Variants in PRKAG2 observed in about 807,000 individuals in gnomAD.
PRKAG2 encodes the protein protein kinase AMP-activated non-catalytic subunit gamma 2.
PRKAG2 carries 26 observed loss-of-function variants against 69.6 expected under a neutral mutation model. The ratio of observed to expected loss-of-function variants is 0.37; its 90% CI spans 0.27 to 0.52. The LOEUF is 0.52. Ranked by LOEUF, PRKAG2 falls within the 20% of genes least tolerant of loss-of-function variation. The pLI, the probability that PRKAG2 is intolerant of heterozygous loss-of-function variation, is 0.90. For synonymous variants in PRKAG2, 293 were observed against 285.0 expected (o/e 1.03, Z -0.28); for missense variants, 557 against 740.0 (o/e 0.75, Z 2.87).
intron 3 of PRKAG2, among the ~76,000 whole-genome samples, chr7:151,677,505 A>T (rs1833130403): frequency 6.6e-6 from 1 of 152,224 alleles, no homozygotes; most frequent in Non-Finnish European, 1.5e-5. Flanking sequence ...GATATCTTAC[A>T]TCTTACAGGT....
At chr7:151,562,917 T>A (rs908370051) in intron 14 of PRKAG2, among the ~76,000 whole-genome samples, 22 of 146,732 alleles carry the variant, frequency 1.5e-4, no homozygotes, top group Non-Finnish European at 2.5e-4. Context: ...ATCACGCCAC[T>A]GCACTCCAGC....
chr7:151,613,871 C>T (rs1164538251), intron 5 of PRKAG2, among the ~76,000 whole-genome samples: 1 of 137,372 alleles, frequency 7.3e-6, no homozygotes, highest in Non-Finnish European at 1.6e-5. Context: ...TGGACGATCT[C>T]GGCTCACTGC....
intron 3 of PRKAG2, among the ~76,000 whole-genome samples, chr7:151,768,966 C>G (rs2075883843): frequency 6.6e-6 from 1 of 152,234 alleles, no homozygotes; most frequent in African/African-American, 2.4e-5. Context: ...ACTTGGAGTT[C>G]TAATGCACTG....
At chr7:151,821,879 T>G in intron 1 of PRKAG2, among the ~76,000 whole-genome samples, 1 of 152,154 alleles carries the variant, frequency 6.6e-6, no homozygotes, top group South Asian at 2.1e-4. Context: ...AGGGTTACTG[T>G]GAGGATTAAA....
chr7:151,584,646 G>A (rs1001772761), intron 6 of PRKAG2, among the ~76,000 whole-genome samples: 1 of 152,224 alleles, frequency 6.6e-6, no homozygotes, highest in Non-Finnish European at 1.5e-5. Context: ...GCTAGGCACA[G>A]TGGCTTCGGG....
At chr7:151,862,914 T>C (rs753703693) in intron 1 of PRKAG2, among the ~76,000 whole-genome samples, 1 of 150,998 alleles carries the variant, frequency 6.6e-6, no homozygotes, top group Non-Finnish European at 1.5e-5. Flanking sequence ...GATCCCTGGG[T>C]TCAGAGGGCA....
At chr7:151,706,409 G>T (rs1023458785) in intron 3 of PRKAG2, among the ~76,000 whole-genome samples, 2 of 152,200 alleles carry the variant, frequency 1.3e-5, no homozygotes, top group Non-Finnish European at 2.9e-5. Flanking sequence ...AATTCTCCAA[G>T]ACATCCAACT....
chr7:151,592,319 C>A (rs1283839059), intron 6 of PRKAG2, among the ~76,000 whole-genome samples: 1 of 152,240 alleles, frequency 6.6e-6, no homozygotes, highest in Admixed American at 6.5e-5. Flanking sequence ...TTGATTTCCA[C>A]TTTATCAGGA....
At chr7:151,801,009 A>G (rs1471620450) in intron 1 of PRKAG2, among the ~76,000 whole-genome samples, 2 of 152,208 alleles carry the variant, frequency 1.3e-5, no homozygotes, top group South Asian at 2.1e-4. Flanking sequence ...ACTGCTCACA[A>G]GTAAAATCCA....
At chr7:151,669,187 G>A (rs1831459742) in intron 4 of PRKAG2, among the ~76,000 whole-genome samples, 1 of 152,102 alleles carries the variant, frequency 6.6e-6, no homozygotes, top group Admixed American at 6.5e-5. Flanking sequence ...CTCTTTGTAG[G>A]AAGATGCCAT....
chr7:151,600,039 G>A (rs528979053), intron 5 of PRKAG2, among the ~76,000 whole-genome samples: 1 of 152,208 alleles, frequency 6.6e-6, no homozygotes, highest in East Asian at 1.9e-4. Context: ...TCCTTCATTA[G>A]ACCTTGGCTC....
At position 151,788,599 on chromosome 7, in the gene PRKAG2, C is replaced by T. The variant is rs956769409; in HGVS notation, c.115-2058G>A. Among the ~76,000 whole-genome samples the T allele has an allele frequency of 1.3e-5, 2 of 152,152 alleles. No homozygotes were observed. The highest frequency in any genetic ancestry group is 6.5e-5 in the Admixed American group (1 of 15,276). On this transcript the variant is annotated intron_variant, in intron 1 of 15. Transcript: ENST00000287878. The surrounding 1 kb of genome is among the most constrained non-coding windows in gnomAD (Gnocchi z 4.6). ...AGATACATGACTTGCAAATATTTTC[C>T]TCCATTCTGTGGGTTGCCTTTTTAC...
intron 1 of PRKAG2, among the ~76,000 whole-genome samples, chr7:151,789,028 A>G (rs1304666142): frequency 6.6e-6 from 1 of 152,054 alleles, no homozygotes; most frequent in Non-Finnish European, 1.5e-5. Context: ...TTATGGTAGT[A>G]TTACACTGTT....
chr7:151,576,621 C>A (rs763243360), intron 6 of PRKAG2, among the ~76,000 whole-genome samples, 169 bp from the exon 7 acceptor site: 1 of 152,184 alleles, frequency 6.6e-6, no homozygotes, highest in African/African-American at 2.4e-5. Flanking sequence ...TCACCTCAGC[C>A]TCCCGAGTAG....
intron 4 of PRKAG2, among the ~76,000 whole-genome samples, chr7:151,673,182 G>A (rs1191207565): frequency 6.6e-6 from 1 of 152,166 alleles, no homozygotes; most frequent in Admixed American, 6.5e-5. Flanking sequence ...AGAGCCCTGC[G>A]TCTGTGTCTG....
chr7:151,739,510 C>A (rs763217997), intron 3 of PRKAG2, among the ~76,000 whole-genome samples: 6 of 151,794 alleles, frequency 4.0e-5, no homozygotes, highest in Non-Finnish European at 7.4e-5. Context: ...GCTCTTGTTG[C>A]CCAGGCTGGA....
chr7:151,617,632 AATC>A (rs903516033), intron 5 of PRKAG2, among the ~76,000 whole-genome samples: 11 of 152,306 alleles, frequency 7.2e-5, no homozygotes, highest in African/African-American at 2.6e-4. Flanking sequence ...TTTTTAAAAT[AATC>A]ATGTTAACAG....
In PRKAG2 at chr7:151,788,912, C is replaced by G. The variant is rs1172944025; in HGVS notation, c.115-2371G>C. On this transcript the variant is annotated intron_variant, in intron 1 of 15. Coordinates refer to ENST00000287878, the MANE Select transcript of PRKAG2 (RefSeq NM_016203.4). This position sits in a 1 kb window ranked among gnomAD's most constrained non-coding sequence, Gnocchi z 4.6. The stretch of plus-strand genomic sequence containing the variant: ...CTATTTGTTGAAAAGATGGTCCTTT[C>G]CCAGTTGAATAGTCTTGGCATGACT... Among the ~76,000 whole-genome samples the G allele has an allele frequency of 1.3e-5, 2 of 152,202 alleles. No individual in the cohort carries two copies. Among genetic ancestry groups the G allele is most frequent in the Non-Finnish European group, 2.9e-5 (2 of 68,050 alleles).
chr7:151,794,044 C>T (rs1554602339), intron 1 of PRKAG2, among the ~76,000 whole-genome samples: 1 of 152,168 alleles, frequency 6.6e-6, no homozygotes, highest in Non-Finnish European at 1.5e-5. Flanking sequence ...CTGTTTTTCA[C>T]TCCTATGGCC....
Sources: allele counts gnomAD v4.1 joint callset (sites outside exome capture counted in the v4.1 genomes callset), GRCh38; gene constraint gnomAD v4.1.1; non-coding constraint Gnocchi (gnomAD v3.1); transcripts MANE v1.5; gene names NCBI Gene and HGNC (gene_info 2026-07-23, HGNC 2026-07-21).